Variants in ZNF44 observed in about 807,000 individuals in gnomAD.
ZNF44 encodes gonadotropin inducible transcription repressor-2.
In ZNF44, 9 loss-of-function variants were observed where a neutral mutation model predicts 11.7. The ratio of observed to expected loss-of-function variants is 0.77; its 90% CI spans 0.46 to 1.35. ZNF44 has a LOEUF of 1.35. Ranked by LOEUF, ZNF44 falls within the 40% of genes most tolerant of loss-of-function variation. The probability of loss-of-function intolerance (pLI) is 0.00; values close to 1 mark genes in which losing one functional copy is unlikely to be tolerated. For missense variants in ZNF44, 696 were observed against 743.1 expected (o/e 0.94, Z 0.74); for synonymous variants, 224 against 242.7 (o/e 0.92, Z 0.72).
rs1917010785 is a variant in ZNF44, at chr19:12,251,835, T to C, written c.1913-1467A>G. Among the ~76,000 whole-genome samples the C allele has an allele frequency of 2.0e-5, 3 of 152,246 alleles. No individual in the cohort carries two copies. In the South Asian group the frequency reaches 6.2e-4, roughly 32 times the overall value. On this transcript the variant is annotated intron_variant and NMD_transcript_variant, in intron 5 of 7. Transcript: ENST00000393337. ...GGGGGGCCGAGGCAGGCAGATCACC[T>C]GAGGTCGGGAGTTTGAGACCAGCCT...
intron 5 of ZNF44, among the ~76,000 whole-genome samples, chr19:12,261,386 A>G (rs1258964790): frequency 1.3e-5 from 2 of 152,228 alleles, no homozygotes; most frequent in Non-Finnish European, 2.9e-5. Context: ...TGCAATCCCA[A>G]TGCTTTGGAA....
chr19:12,267,043 CTT>C (rs560631225), downstream of ZNF44, among the ~76,000 whole-genome samples: 10 of 139,740 alleles, frequency 7.2e-5, no homozygotes, highest in Admixed American at 1.4e-4. Context: ...TTTCTTTTTT[CTT>C]TTTTTTTTTT....
chr19:12,255,091 AACACACACACACACACACAC>A (rs140940065), intron 5 of ZNF44, among the ~76,000 whole-genome samples: 1 of 145,638 alleles, frequency 6.9e-6, no homozygotes, highest in Non-Finnish European at 1.5e-5. Flanking sequence ...TCCGTCTCAA[AACACACACACACACACACAC>A]ACACACACAC....
intron 1 of ZNF44, 88 bp from the exon 2 acceptor site, chr19:12,276,170 T>C: frequency 6.5e-7 from 1 of 1,539,594 alleles, no homozygotes; most frequent in African/African-American, 1.4e-5. Context: ...CCCATGATGC[T>C]GTGGTTTCCA....
At chr19:12,251,161 A>G (rs1419894008) in intron 5 of ZNF44, among the ~76,000 whole-genome samples, 1 of 151,978 alleles carries the variant, frequency 6.6e-6, no homozygotes, top group Non-Finnish European at 1.5e-5. Flanking sequence ...GTGAAACCCC[A>G]TCTCTACTAA....
chr19:12,290,690 ACT>A (rs1266417547), intron 1 of ZNF44, among the ~76,000 whole-genome samples: 2 of 151,000 alleles, frequency 1.3e-5, no homozygotes, highest in Non-Finnish European at 2.9e-5. Context: ...ACAGAGTGAG[ACT>A]CTACCTCAAA....
At chr19:12,271,154 T>C (rs1159432388), downstream of ZNF44, among the ~76,000 whole-genome samples, 1 of 152,198 alleles carries the variant, frequency 6.6e-6, no homozygotes, top group Admixed American at 6.5e-5. Flanking sequence ...TTGGGGCATC[T>C]ATAGCCTCTG....
downstream of ZNF44, chr19:12,225,091 T>G (rs1488390586): frequency 6.6e-6 from 1 of 152,246 alleles, no homozygotes; most frequent in Non-Finnish European, 1.5e-5. Flanking sequence ...ATGGTGATGC[T>G]TCTGCTCTGT....
chr19:12,237,618 C>G (rs1193463827), upstream of ZNF44: 1 of 152,524 alleles, frequency 6.6e-6, no homozygotes, highest in African/African-American at 2.4e-5. Context: ...GCCCCACCCT[C>G]CTGGCGGAGC....
At position 12,275,260 on chromosome 19, in the gene ZNF44, A is replaced by G. The variant is rs189213465; in HGVS notation, c.131-227T>C. ...CCCCTCTTCTTAGTTAGCCTACTCAATGTGAAGATGAGGATGAAAACCTTC... is the reference window on the plus strand; with the variant it reads ...CCCCTCTTCTTAGTTAGCCTACTCAGTGTGAAGATGAGGATGAAAACCTTC... On this transcript the variant is annotated intron_variant, in intron 2 of 3. Transcript: ENST00000355684. 6.5e-4 allele frequency among the ~76,000 whole-genome samples: 99 copies of G among 152,266 alleles called. 1 individual carries two copies. The highest frequency in any genetic ancestry group is 2.3e-3 in the African/African-American group (96 of 41,550).
chr19:12,273,412 G>T lies in ZNF44; in HGVS notation c.843C>A (p.Tyr281Ter), dbSNP rs1390948088. Reference sequence around the variant, plus strand: ...AGGCTTTCCCACATTGTTTACATTTGTAGGGTTTCTCTCCAGTGTGAGTTC... The same window carrying T: ...AGGCTTTCCCACATTGTTTACATTTTTAGGGTTTCTCTCCAGTGTGAGTTC... ...HERTHTGEKP[Y>*]KCKQCGKAFS... is the part of the protein sequence containing the mutation. Residue 281 changes from tyrosine to a stop codon, truncating the protein, a stop_gained, in exon 4 of 4, where the codon TAC becomes TAA. Transcript: ENST00000355684. LOFTEE classifies it low-confidence loss of function (END_TRUNC). 2.5e-6 allele frequency: 4 copies of T among 1,612,406 alleles called. No homozygotes were observed. Among genetic ancestry groups the T allele is most frequent in the Non-Finnish European group, 3.4e-6 (4 of 1,179,498 alleles).
exon 8 of ZNF44, chr19:12,247,803 T>C: frequency 7.7e-7 from 1 of 1,300,890 alleles, no homozygotes; most frequent in Non-Finnish European, 1.0e-6. Flanking sequence ...GTGAGTACTT[T>C]CATGTGCTTG....
rs777381100 is a variant in ZNF44, at chr19:12,247,931, T to C, written c.*934A>G. The stretch of plus-strand genomic sequence containing the variant: ...AGTGGTAACTGAAGGCTTTCCCACA[T>C]TCCTTGCATTTGTAGGGTTTCTCTC... On this transcript the variant is annotated 3_prime_UTR_variant and NMD_transcript_variant, in exon 8 of 8. Coordinates refer to the ZNF44 transcript ENST00000393337. 6 of 1,348,628 alleles carry C rather than the reference T, an allele frequency of 4.4e-6. No homozygotes were observed. In the African/African-American group the frequency reaches 7.4e-5, roughly 17 times the overall value. 83.5% of individuals were successfully genotyped at this position (1,348,628 alleles called of 1,614,324 possible). A position where few individuals can be genotyped will look rare whatever the true frequency, so the allele number is the denominator to read the frequency against.
Position 12,249,676 on chromosome 19 carries a change from C to T in ZNF44, c.*186+302G>A, listed in dbSNP as rs1382984565. ...AAAGCGATTCTCCTGCCTCAGCCTC[C>T]GAAGTAGCTGGGATTACAGGCATGT... On this transcript the variant is annotated intron_variant and NMD_transcript_variant, in intron 7 of 7. Transcript: ENST00000393337. Among the ~76,000 whole-genome samples the T allele has an allele frequency of 2.0e-5, 3 of 152,136 alleles. No homozygotes were observed. In the South Asian group the frequency reaches 6.2e-4, roughly 32 times the overall value.
At chr19:12,252,940 T>G (rs773961377) in intron 5 of ZNF44, among the ~76,000 whole-genome samples, 1 of 131,132 alleles carries the variant, frequency 7.6e-6, no homozygotes, top group Non-Finnish European at 1.6e-5. Context: ...CAGGCTAGAA[T>G]GCACTGGCAC....
Position 12,272,308 on chromosome 19 carries a change from ACTT to A in ZNF44, c.*96_*98del, listed in dbSNP as rs1411662678. The A allele has an allele frequency of 7.9e-6, 11 of 1,391,252 alleles. No individual in the cohort carries two copies. Among genetic ancestry groups the A allele is most frequent in the East Asian group, 2.7e-5 (1 of 37,610 alleles). The allele number at this position is 1,391,252 out of a possible 1,614,324, so 86.2% of individuals were successfully genotyped here. A position where few individuals can be genotyped will look rare whatever the true frequency, so the allele number is the denominator to read the frequency against. On this transcript the variant is annotated 3_prime_UTR_variant, in exon 4 of 4. Transcript: ENST00000355684. ...GTGAGCCGCTGCGCCCAGCCTGGAA[ACTT>A]CTTAAGGCTTTACCACGTTTACATT... is the stretch of plus-strand genomic sequence containing the variant.
intron 5 of ZNF44, among the ~76,000 whole-genome samples, chr19:12,262,412 A>G (rs948632960): frequency 6.6e-6 from 1 of 152,066 alleles, no homozygotes; most frequent in Non-Finnish European, 1.5e-5. Context: ...CTGAGATTAC[A>G]GGCGCACACC....
intron 5 of ZNF44, among the ~76,000 whole-genome samples, chr19:12,255,640 T>C (rs535154151): frequency 1.1e-4 from 16 of 152,142 alleles, no homozygotes; most frequent in Non-Finnish European, 2.2e-4. Flanking sequence ...ACACAGCATT[T>C]CTATTCAACA....
chr19:12,276,424 C>A (rs1358877232), intron 1 of ZNF44, among the ~76,000 whole-genome samples: 1 of 152,200 alleles, frequency 6.6e-6, no homozygotes, highest in Non-Finnish European at 1.5e-5. Flanking sequence ...AAGAGAGTTA[C>A]AATTAGCAGT....
Sources: gnomAD v4.1 joint callset for allele counts (sites outside exome capture counted in the v4.1 genomes callset) on GRCh38, gnomAD v4.1.1 for gene constraint, MANE v1.5 for transcripts, NCBI Gene and HGNC (gene_info 2026-07-23, HGNC 2026-07-21) for gene names.